PIK3R6: variants seen among roughly 807,000 people sequenced by gnomAD.
PIK3R6 encodes the protein phosphoinositide 3-kinase regulatory subunit 6.
In PIK3R6, 91 loss-of-function variants were observed where a neutral mutation model predicts 84.9. The observed-to-expected ratio is 1.07, with a 90% CI of 0.90 to 1.28. The LOEUF (loss-of-function observed/expected upper bound fraction) is 1.28, where lower values mean the gene tolerates loss of function less well. PIK3R6 is among the 50% of genes most tolerant of loss of function. PIK3R6 has a pLI of 0.00. For missense variants in PIK3R6, 996 were observed against 985.1 expected (o/e 1.01, Z -0.15); for synonymous variants, 416 against 411.4 (o/e 1.01, Z -0.13).
chr17:8,829,274 GACACAC>G (rs201435016), intron 10 of PIK3R6, among the ~76,000 whole-genome samples: 2 of 141,780 alleles, frequency 1.4e-5, no homozygotes, highest in African/African-American at 5.4e-5. Context: ...CAGACACACT[GACACAC>G]ACACGCATCA....
At chr17:8,818,521 C>T (rs1490210648) in intron 18 of PIK3R6, among the ~76,000 whole-genome samples, 3 of 152,010 alleles carry the variant, frequency 2.0e-5, no homozygotes, top group Admixed American at 6.6e-5. Context: ...AGGTGGTGCA[C>T]GCCTGTAGTC....
At chr17:8,857,160 C>T (rs2089161128) in intron 1 of PIK3R6, among the ~76,000 whole-genome samples, 2 of 152,058 alleles carry the variant, frequency 1.3e-5, no homozygotes. Flanking sequence ...TTTTTCCTGT[C>T]AGGCTTAGTT....
intron 8 of PIK3R6, among the ~76,000 whole-genome samples, chr17:8,834,156 CAAAAAAAAAAA>C (rs71135927): frequency 2.2e-5 from 1 of 46,462 alleles, no homozygotes; most frequent in Non-Finnish European, 4.6e-5. Context: ...GACTTCGTCT[CAAAAAAAAAAA>C]AAAAAAAAAA....
chr17:8,860,862 A>G (rs1381991279), intron 1 of PIK3R6, among the ~76,000 whole-genome samples: 1 of 152,076 alleles, frequency 6.6e-6, no homozygotes, highest in Non-Finnish European at 1.5e-5. Context: ...CACCAGCACT[A>G]TCAGCCTGTC....
intron 1 of PIK3R6, among the ~76,000 whole-genome samples, chr17:8,861,434 A>G (rs1280901541): frequency 6.6e-6 from 1 of 152,198 alleles, no homozygotes; most frequent in East Asian, 1.9e-4. Context: ...CTGCAATTTC[A>G]GTTGCTCAAG....
chr17:8,856,521 G>C (rs947898952), intron 1 of PIK3R6, among the ~76,000 whole-genome samples: 1 of 152,206 alleles, frequency 6.6e-6, no homozygotes, highest in South Asian at 2.1e-4. Context: ...AGAATCGCTT[G>C]AACCCAGGAG....
chr17:8,840,196 T>C lies in PIK3R6; in HGVS notation c.14-499A>G, dbSNP rs1818680293. Among the ~76,000 whole-genome samples, 2 of 146,440 alleles carry C rather than the reference T, an allele frequency of 1.4e-5. 1 individual carries two copies. Among genetic ancestry groups the C allele is most frequent in the Admixed American group, 1.4e-4 (2 of 14,414 alleles). ...CCTCCAAATATATATATGAAATATATATAGCCTCCAAATATATATATGAAA... is the reference window on the plus strand; with the variant it reads ...CCTCCAAATATATATATGAAATATACATAGCCTCCAAATATATATATGAAA... On this transcript the variant is annotated intron_variant, in intron 2 of 19. Coordinates refer to ENST00000619866, the MANE Select transcript of PIK3R6 (RefSeq NM_001010855.4).
At position 8,804,069 on chromosome 17, in the gene PIK3R6, C is replaced by G; in HGVS notation, c.2080G>C (p.Asp694His). The change falls in exon 19 of 20, where the codon GAT becomes CAT. Residue 694 changes from aspartate (D) to histidine (H), a missense_variant. Asp to His is a moderately conservative substitution (Grantham distance 81, BLOSUM62 -1). Coordinates refer to ENST00000619866, the MANE Select transcript of PIK3R6 (RefSeq NM_001010855.4). ...ACCACATCCCTGAAAGTGCGTTGAT[C>G]GTCCTTGTCCAGCGACAGTGTCAGC... is the stretch of plus-strand genomic sequence containing the variant. ...RLLTLSLDKDDQRTFRDVVRF... is the reference protein window; with the variant it reads ...RLLTLSLDKDHQRTFRDVVRF... 1.2e-6 allele frequency: 2 copies of G among 1,613,976 alleles called. No homozygotes were observed. The highest frequency in any genetic ancestry group is 1.7e-6 in the Non-Finnish European group (2 of 1,179,846).
intron 10 of PIK3R6, among the ~76,000 whole-genome samples, chr17:8,829,234 CTG>C (rs760226471): frequency 5.3e-5 from 8 of 151,222 alleles, no homozygotes; most frequent in Non-Finnish European, 8.8e-5. Context: ...CAGAGACACA[CTG>C]AAACACATGC....
At chr17:8,820,229 G>A (rs1244792504) in intron 17 of PIK3R6, among the ~76,000 whole-genome samples, 1 of 151,816 alleles carries the variant, frequency 6.6e-6, no homozygotes, top group South Asian at 2.1e-4. Flanking sequence ...ACTAAAGAGG[G>A]TTTGTAGAAG....
intron 2 of PIK3R6, among the ~76,000 whole-genome samples, chr17:8,846,751 G>C (rs2088823379): frequency 6.6e-6 from 1 of 152,096 alleles, no homozygotes; most frequent in African/African-American, 2.4e-5. Flanking sequence ...GGTATGGTAA[G>C]GTGATGCTAT....
chr17:8,823,297 T>C (rs1287504076), intron 14 of PIK3R6, 90 bp downstream of exon 14: 2 of 998,308 alleles, frequency 2.0e-6, no homozygotes, highest in African/African-American at 3.2e-5. Flanking sequence ...TGTTCATGAT[T>C]GGTGGCCTGG....
intron 18 of PIK3R6, among the ~76,000 whole-genome samples, chr17:8,817,223 G>T (rs1427979612): frequency 1.3e-5 from 2 of 152,210 alleles, no homozygotes; most frequent in East Asian, 1.9e-4. Flanking sequence ...AGAAAAAAAG[G>T]ATTGGTGATT....
At chr17:8,858,310 CTTT>C (rs752142944) in intron 1 of PIK3R6, among the ~76,000 whole-genome samples, 20,425 of 94,304 alleles carry the variant, frequency 0.22, 1,171 homozygotes, top group Non-Finnish European at 0.27. Flanking sequence ...CTCAATTAAT[CTTT>C]TTTTTTTTTT....
At chr17:8,819,941 TTATATA>T in intron 17 of PIK3R6, among the ~76,000 whole-genome samples, 1 of 82,950 alleles carries the variant, frequency 1.2e-5, no homozygotes, top group East Asian at 5.9e-4. Context: ...ATATATATTT[TTATATA>T]TATATATATT....
At chr17:8,833,162 G>A in intron 8 of PIK3R6, 117 bp from the exon 9 acceptor site, 1 of 1,361,474 alleles carries the variant, frequency 7.3e-7, no homozygotes, top group Non-Finnish European at 9.7e-7. Flanking sequence ...CTGCCCCTGG[G>A]GGCCCGGCAG....
intron 17 of PIK3R6, 64 bp from the exon 18 acceptor site, chr17:8,819,262 G>C: frequency 8.1e-7 from 1 of 1,240,976 alleles, no homozygotes; most frequent in East Asian, 2.6e-5. Flanking sequence ...GATATTCTAG[G>C]TCTCAAGATC....
intron 13 of PIK3R6, 102 bp from the exon 14 acceptor site, chr17:8,823,599 T>C: frequency 6.5e-6 from 5 of 768,388 alleles, no homozygotes; most frequent in Non-Finnish European, 1.1e-5. Flanking sequence ...ATCTCTGGGA[T>C]GCACTAACCC....
intron 13 of PIK3R6, among the ~76,000 whole-genome samples, chr17:8,824,084 A>G (rs907243473): frequency 1.3e-5 from 2 of 152,204 alleles, no homozygotes; most frequent in Non-Finnish European, 2.9e-5. Context: ...AGCCTGACCA[A>G]CATGGAGAAA....
Sources: gnomAD v4.1 joint callset for allele counts (sites outside exome capture counted in the v4.1 genomes callset) on GRCh38, gnomAD v4.1.1 for gene constraint, MANE v1.5 for transcripts, NCBI Gene and HGNC (gene_info 2026-07-23, HGNC 2026-07-21) for gene names.